FRAS1: variants seen among roughly 807,000 people sequenced by gnomAD.
FRAS1 encodes Fraser extracellular matrix complex subunit 1.
Under a neutral mutation model 435.2 loss-of-function variants are expected in FRAS1, and 290 were observed. That is an observed-to-expected ratio of 0.67 (90% CI 0.61 to 0.73). The LOEUF (loss-of-function observed/expected upper bound fraction) is 0.73, where lower values mean the gene tolerates loss of function less well. Ranked by LOEUF, FRAS1 falls within the 30% of genes least tolerant of loss-of-function variation. The pLI is 0.00. For synonymous variants in FRAS1, 1,800 were observed against 1,851.0 expected (o/e 0.97, Z 0.71); for missense variants, 4,860 against 5,001.5 (o/e 0.97, Z 0.85).
chr4:78,322,341 T>G (rs1327359926), intron 18 of FRAS1, among the ~76,000 whole-genome samples: 3 of 152,226 alleles, frequency 2.0e-5, no homozygotes, highest in Non-Finnish European at 4.4e-5. Flanking sequence ...TTTGCCTCTC[T>G]GCAGAATGTT....
At chr4:78,165,532 A>G (rs552283469) in intron 2 of FRAS1, among the ~76,000 whole-genome samples, 61 of 152,304 alleles carry the variant, frequency 4.0e-4, no homozygotes, top group African/African-American at 1.4e-3. Context: ...ATAGATAACA[A>G]TTAAGATAGT....
At chr4:78,130,277 T>C (rs1328522210) in intron 2 of FRAS1, among the ~76,000 whole-genome samples, 1 of 152,214 alleles carries the variant, frequency 6.6e-6, no homozygotes, top group African/African-American at 2.4e-5. Flanking sequence ...GTTTGGCACA[T>C]ACAAAATGCT....
chr4:78,460,411 ACTACCTG>A (rs1370002073), intron 47 of FRAS1, among the ~76,000 whole-genome samples: 2 of 152,256 alleles, frequency 1.3e-5, no homozygotes, highest in African/African-American at 4.8e-5. Context: ...TCAAATAGCA[ACTACCTG>A]CTGTGACAGC....
Position 78,114,146 on chromosome 4 carries a change from C to G in FRAS1, c.108+48130C>G, listed in dbSNP as rs538891614. ...CAAAGATCAGATAGTTGTAGGTATG[C>G]GGCATTACTTCTGAGGGCTCTGTTC... On this transcript the variant is annotated intron_variant, in intron 2 of 73. Coordinates refer to ENST00000512123, the MANE Select transcript of FRAS1 (RefSeq NM_025074.7). Among the ~76,000 whole-genome samples, 11 of 152,118 alleles carry G rather than the reference C, an allele frequency of 7.2e-5. 1 individual carries two copies. The highest frequency in any genetic ancestry group is 2.7e-4 in the African/African-American group (11 of 41,500).
At chr4:78,175,716 AGAT>A (rs889644485) in intron 2 of FRAS1, among the ~76,000 whole-genome samples, 1 of 152,186 alleles carries the variant, frequency 6.6e-6, no homozygotes, top group African/African-American at 2.4e-5. Flanking sequence ...TTGTGGCTTC[AGAT>A]GAGAGACCTG....
At chr4:78,411,460 C>T (rs975867703) in intron 31 of FRAS1, among the ~76,000 whole-genome samples, 1 of 152,122 alleles carries the variant, frequency 6.6e-6, no homozygotes, top group Admixed American at 6.5e-5. Flanking sequence ...CTGTCATGAG[C>T]CATCAGTGGC....
intron 18 of FRAS1, 68 bp downstream of exon 18, chr4:78,319,054 G>A: frequency 6.8e-7 from 1 of 1,481,106 alleles, no homozygotes. Flanking sequence ...TGTGAGGTGG[G>A]ACCAAAGCCA....
intron 2 of FRAS1, among the ~76,000 whole-genome samples, chr4:78,116,344 G>T (rs55897032): frequency 0.22 from 32,961 of 152,058 alleles, 3,914 homozygotes; most frequent in Admixed American, 0.29. Context: ...TGTCTATTAG[G>T]TTGCCTTGGT....
intron 2 of FRAS1, among the ~76,000 whole-genome samples, chr4:78,192,212 T>G (rs952117153): frequency 6.6e-6 from 1 of 152,232 alleles, no homozygotes; most frequent in African/African-American, 2.4e-5. Context: ...TTTGCTTTGA[T>G]GTTCATCACG....
chr4:78,169,559 C>T (rs572282580), intron 2 of FRAS1, among the ~76,000 whole-genome samples: 1 of 152,184 alleles, frequency 6.6e-6, no homozygotes, highest in East Asian at 1.9e-4. Flanking sequence ...CAACGTATAG[C>T]ACATAGTAGG....
At chr4:78,213,988 G>A (rs4499718) in intron 2 of FRAS1, among the ~76,000 whole-genome samples, 149,864 of 152,336 alleles carry the variant, frequency 0.98, 73,758 homozygotes, top group Middle Eastern at 1. Context: ...TATGGTTGCC[G>A]CTGAATTTAG....
At chr4:78,187,078 A>G (rs1187132507) in intron 2 of FRAS1, among the ~76,000 whole-genome samples, 1 of 152,224 alleles carries the variant, frequency 6.6e-6, no homozygotes, top group Non-Finnish European at 1.5e-5. Flanking sequence ...CTCTCTATAC[A>G]AATGGTAGAA....
intron 2 of FRAS1, among the ~76,000 whole-genome samples, chr4:78,128,762 G>T (rs1719519192): frequency 6.6e-6 from 1 of 152,184 alleles, no homozygotes; most frequent in Non-Finnish European, 1.5e-5. Context: ...AGTTTAATGA[G>T]ATCCCATTTG....
chr4:78,424,419 A>T lies in FRAS1; in HGVS notation c.4710A>T (p.Thr1570=). The part of the protein sequence containing the change: ...GLPESVKFHF[T]VSDGEHTSPE... ...CAGAATCAGTGAAATTCCACTTCAC[A>T]GGTAAAGATTCATCTAAATTTTACT... The change falls in exon 35 of 74, where the codon ACA becomes ACT. Residue 1570 remains threonine (T), a splice_region_variant and synonymous_variant. Transcript: ENST00000512123. The T allele has an allele frequency of 7.0e-7, 1 of 1,433,280 alleles. No individual in the cohort carries two copies. Among genetic ancestry groups the T allele is most frequent in the Non-Finnish European group, 9.3e-7 (1 of 1,080,998 alleles). The allele number at this position is 1,433,280 out of a possible 1,614,324, so 88.8% of individuals were successfully genotyped here. A position where few individuals can be genotyped will look rare whatever the true frequency, so the allele number is the denominator to read the frequency against.
At position 78,333,264 on chromosome 4, in the gene FRAS1, T is replaced by TC. The variant is rs547188302; in HGVS notation, c.2138-3dup. 3.0e-3 allele frequency: 4,873 copies of TC among 1,600,168 alleles called. 10 individuals carry two copies. Among genetic ancestry groups the TC allele is most frequent in the Non-Finnish European group, 3.5e-3 (4,079 of 1,173,770 alleles). On this transcript the variant is annotated splice_region_variant and splice_polypyrimidine_tract_variant and intron_variant, in intron 18 of 73. Coordinates refer to ENST00000512123, the MANE Select transcript of FRAS1 (RefSeq NM_025074.7). The stretch of plus-strand genomic sequence containing the variant: ...CTGATTGTCTCCTTTGCTTTATCTT[T>TC]CCCCCAGCTTGCCACCAGTCCTGTT...
At chr4:78,174,490 T>C (rs1015422504) in intron 2 of FRAS1, among the ~76,000 whole-genome samples, 1 of 152,168 alleles carries the variant, frequency 6.6e-6, no homozygotes, top group African/African-American at 2.4e-5. Flanking sequence ...ACAAGATCCT[T>C]TGTTTTCCTG....
At position 78,508,828 on chromosome 4, in the gene FRAS1, C is replaced by T. The variant is rs886059638; in HGVS notation, c.9602C>T (p.Pro3201Leu). The T allele has an allele frequency of 1.2e-6, 2 of 1,613,714 alleles. No homozygotes were observed. Among genetic ancestry groups the T allele is most frequent in the Non-Finnish European group, 8.5e-7 (1 of 1,179,806 alleles). ...GGCTACCCACTGGTCTGTGTCACCC[C>T]CTGCGACCCTCATTTCCCCAGATAC... ...SPGYPLVCVT[P>L]CDPHFPRYAV... Residue 3201 changes from proline to leucine, a missense_variant, in exon 63 of 74, where the codon CCC (proline) becomes CTC (leucine). Pro to Leu is a moderately conservative substitution (Grantham distance 98). Coordinates refer to ENST00000512123, the MANE Select transcript of FRAS1 (RefSeq NM_025074.7).
chr4:78,288,684 G>GA (rs375323729), intron 14 of FRAS1, among the ~76,000 whole-genome samples: 1,486 of 146,094 alleles, frequency 0.01, 10 homozygotes, highest in African/African-American at 0.029. Flanking sequence ...AAAATAAGGA[G>GA]AAAAAAAAAA....
intron 2 of FRAS1, among the ~76,000 whole-genome samples, chr4:78,173,695 G>A (rs1327437946): frequency 6.6e-6 from 1 of 152,224 alleles, no homozygotes; most frequent in Admixed American, 6.5e-5. Flanking sequence ...TCTATAAGGT[G>A]CATAAAGTTG....
Sources: gnomAD v4.1 joint callset for allele counts (sites outside exome capture counted in the v4.1 genomes callset) on GRCh38, gnomAD v4.1.1 for gene constraint, MANE v1.5 for transcripts, NCBI Gene and HGNC (gene_info 2026-07-23, HGNC 2026-07-21) for gene names.